Variants in CNTNAP2 observed in about 807,000 individuals in gnomAD.
CNTNAP2 encodes the protein contactin associated protein 2.
In CNTNAP2, 98 loss-of-function variants were observed where a neutral mutation model predicts 155.2. That is an observed-to-expected ratio of 0.63 (90% CI 0.54 to 0.75). The LOEUF (loss-of-function observed/expected upper bound fraction) is 0.75. Among genes scored for constraint, CNTNAP2 ranks in the 30% least tolerant of loss-of-function variants. CNTNAP2 has a pLI of 0.00. For synonymous variants in CNTNAP2, 651 were observed against 631.2 expected (o/e 1.03, Z -0.47); for missense variants, 1,727 against 1,688.1 (o/e 1.02, Z -0.40).
intron 1 of CNTNAP2, among the ~76,000 whole-genome samples, chr7:146,571,955 A>T (rs573527394): frequency 5.7e-4 from 86 of 152,128 alleles, no homozygotes; most frequent in Non-Finnish European, 9.4e-4. Context: ...CCGACCTCAG[A>T]TGATCCCCCC....
intron 3 of CNTNAP2, among the ~76,000 whole-genome samples, chr7:146,849,508 T>A (rs764216223): frequency 6.6e-6 from 1 of 152,210 alleles, no homozygotes; most frequent in Non-Finnish European, 1.5e-5. Context: ...CAAGATAGCA[T>A]GGGCTCTGGA....
At chr7:147,339,227 A>T (rs1054906282) in intron 9 of CNTNAP2, among the ~76,000 whole-genome samples, 20 of 152,046 alleles carry the variant, frequency 1.3e-4, no homozygotes, top group Admixed American at 7.9e-4. Flanking sequence ...TTAATCCCCT[A>T]TACATCAGTG....
At chr7:146,366,922 C>T (rs1795163661) in intron 1 of CNTNAP2, among the ~76,000 whole-genome samples, 1 of 152,136 alleles carries the variant, frequency 6.6e-6, no homozygotes, top group African/African-American at 2.4e-5. Flanking sequence ...AACATTTTGT[C>T]AGGTCAAATT....
At chr7:147,864,140 A>G (rs1464078284) in intron 13 of CNTNAP2, among the ~76,000 whole-genome samples, 1 of 152,134 alleles carries the variant, frequency 6.6e-6, no homozygotes, top group Non-Finnish European at 1.5e-5. Context: ...TCAGCTTTCT[A>G]CATATGGCTA....
chr7:147,002,361 C>T (rs1407829631), intron 3 of CNTNAP2, among the ~76,000 whole-genome samples: 3 of 151,944 alleles, frequency 2.0e-5, no homozygotes, highest in East Asian at 1.9e-4. Context: ...AGGATCGAAA[C>T]TCAAAATGGC....
At chr7:147,311,112 G>A (rs1367923425) in intron 9 of CNTNAP2, among the ~76,000 whole-genome samples, 2 of 152,148 alleles carry the variant, frequency 1.3e-5, no homozygotes, top group African/African-American at 2.4e-5. Flanking sequence ...TGGCTAAACT[G>A]ACTTCGCAGG....
chr7:146,664,547 G>C (rs1800154455), intron 1 of CNTNAP2, among the ~76,000 whole-genome samples: 1 of 152,102 alleles, frequency 6.6e-6, no homozygotes, highest in Non-Finnish European at 1.5e-5. Flanking sequence ...TTTATATATT[G>C]CTGGATGTGA....
chr7:147,285,106 G>T (rs971554016), intron 8 of CNTNAP2, among the ~76,000 whole-genome samples: 6 of 151,896 alleles, frequency 4.0e-5, no homozygotes, highest in African/African-American at 7.2e-5. Flanking sequence ...TCTGAAATAA[G>T]AAACTCTATT....
intron 21 of CNTNAP2, among the ~76,000 whole-genome samples, chr7:148,308,727 C>T (rs930146753): frequency 6.9e-6 from 1 of 145,432 alleles, no homozygotes; most frequent in Non-Finnish European, 1.5e-5. Context: ...CCTCCCCTAG[C>T]CCTCCCACCC....
intron 13 of CNTNAP2, among the ~76,000 whole-genome samples, chr7:147,702,546 A>G (rs1796251553): frequency 6.7e-6 from 1 of 150,260 alleles, no homozygotes; most frequent in Admixed American, 6.6e-5. Flanking sequence ...GGAAAATTGT[A>G]CAGAATGCGA....
intron 17 of CNTNAP2, among the ~76,000 whole-genome samples, chr7:148,157,490 GTGA>G (rs1805420471): frequency 6.8e-6 from 1 of 146,406 alleles, no homozygotes; most frequent in Admixed American, 7.0e-5. Context: ...TTCTCAAAAT[GTGA>G]TGATATTTAC....
At chr7:148,347,952 C>CT (rs1020646444) in intron 21 of CNTNAP2, among the ~76,000 whole-genome samples, 3 of 151,846 alleles carry the variant, frequency 2.0e-5, no homozygotes. Flanking sequence ...CCCCAACTTT[C>CT]TTTTTTTTTC....
chr7:146,920,659 A>C (rs1254328325), intron 3 of CNTNAP2, among the ~76,000 whole-genome samples: 1 of 152,182 alleles, frequency 6.6e-6, no homozygotes, highest in Non-Finnish European at 1.5e-5. Flanking sequence ...TGTTTTAAAA[A>C]TTGTAATAAA....
chr7:147,428,735 T>G (rs767395219), intron 10 of CNTNAP2, among the ~76,000 whole-genome samples: 2 of 152,212 alleles, frequency 1.3e-5, no homozygotes, highest in Non-Finnish European at 2.9e-5. Flanking sequence ...GTGTTTTATG[T>G]CCTACTTTTG....
At chr7:147,915,274 G>A (rs916797880) in intron 14 of CNTNAP2, among the ~76,000 whole-genome samples, 7 of 144,118 alleles carry the variant, frequency 4.9e-5, no homozygotes, top group Non-Finnish European at 9.5e-5. Flanking sequence ...AGCGGGCGCC[G>A]TGAAACTGAG....
rs71165057 is a variant in CNTNAP2, at chr7:146,985,308, A to AT, written c.403-58570dup. On this transcript the variant is annotated intron_variant, in intron 3 of 23. Coordinates refer to ENST00000361727, the MANE Select transcript of CNTNAP2 (RefSeq NM_014141.6). ...CAAAGTGCTTGTGGAAAATGCTTGA[A>AT]TTTTTTTTTTTTTTTTTTTTTTTTT... Among the ~76,000 whole-genome samples the AT allele has an allele frequency of 6.9e-3, 876 of 127,718 alleles. 26 individuals carry two copies. The highest frequency in any genetic ancestry group is 0.012 in the African/African-American group (369 of 31,944). 83.8% of individuals were successfully genotyped at this position (127,718 alleles called of 152,430 possible).
chr7:147,554,122 A>T (rs1465183119), intron 11 of CNTNAP2, among the ~76,000 whole-genome samples: 2 of 152,206 alleles, frequency 1.3e-5, no homozygotes, highest in African/African-American at 4.8e-5. Flanking sequence ...GCGTGTTTGT[A>T]GCATGCCTGT....
chr7:147,049,502 G>A (rs369454445), intron 4 of CNTNAP2, among the ~76,000 whole-genome samples: 3 of 150,624 alleles, frequency 2.0e-5, no homozygotes, highest in African/African-American at 7.4e-5. Context: ...GCTTTCTTTG[G>A]ATTTTTCAAT....
rs1479102902 is a variant in CNTNAP2, at chr7:146,992,825, A to G, written c.403-51082A>G. Among the ~76,000 whole-genome samples, 3 of 152,182 alleles carry G rather than the reference A, an allele frequency of 2.0e-5. No individual in the cohort carries two copies. In the East Asian group the frequency reaches 5.8e-4, roughly 29 times the overall value. On this transcript the variant is annotated intron_variant, in intron 3 of 23. Coordinates refer to ENST00000361727, the MANE Select transcript of CNTNAP2 (RefSeq NM_014141.6). ...TCCTTGCTAGGACTTTGCTCTCTGA[A>G]ATTTGAAAGTATATTTTAAAACAAA...
Sources: allele counts gnomAD v4.1 joint callset (sites outside exome capture counted in the v4.1 genomes callset), GRCh38; gene constraint gnomAD v4.1.1; transcripts MANE v1.5; gene names NCBI Gene and HGNC (gene_info 2026-07-23, HGNC 2026-07-21).